The following SIL1 variants were observed in gnomAD, a reference collection of about 807,000 sequenced individuals.
SIL1 encodes SIL1 nucleotide exchange factor.
A neutral mutation model predicts 49.1 loss-of-function variants in SIL1; 40 were observed. The ratio of observed to expected loss-of-function variants is 0.81; its 90% CI spans 0.63 to 1.06. The LOEUF (loss-of-function observed/expected upper bound fraction) is 1.06. Ranked by LOEUF, SIL1 falls within the 50% of genes least tolerant of loss-of-function variation. The probability of loss-of-function intolerance (pLI) is 0.00; values close to 1 mark genes in which losing one functional copy is unlikely to be tolerated. For synonymous variants in SIL1, 253 were observed against 250.8 expected (o/e 1.01, Z -0.08); for missense variants, 500 against 572.6 (o/e 0.87, Z 1.29).
In SIL1 at chr5:139,048,843, T is replaced by C. The variant is rs376240202; in HGVS notation, c.353+2095A>G. 1.9e-4 allele frequency among the ~76,000 whole-genome samples: 29 copies of C among 152,364 alleles called. No homozygotes were observed. The South Asian group carries it at 5.6e-3, about 29-fold the overall frequency. On this transcript the variant is annotated intron_variant, in intron 4 of 9. Transcript: ENST00000394817. ...CGTGACAATGACAGCTGATTATTTCTTACATGGTTGTTAGAAAGGAGTAAT... is the reference window on the plus strand; with the variant it reads ...CGTGACAATGACAGCTGATTATTTCCTACATGGTTGTTAGAAAGGAGTAAT...
At chr5:139,159,133 T>C (rs1290438725) in intron 1 of SIL1, among the ~76,000 whole-genome samples, 1 of 151,464 alleles carries the variant, frequency 6.6e-6, no homozygotes, top group Non-Finnish European at 1.5e-5. Flanking sequence ...ATCTCCTCAT[T>C]TAGCAGCACA....
chr5:139,039,236 G>A (rs1473082165), intron 5 of SIL1, among the ~76,000 whole-genome samples: 5 of 152,196 alleles, frequency 3.3e-5, no homozygotes, highest in Non-Finnish European at 7.3e-5. Flanking sequence ...GAGCAGACGT[G>A]AGTTCAGGCC....
At chr5:139,066,504 C>A (rs1769709384) in intron 3 of SIL1, among the ~76,000 whole-genome samples, 1 of 151,504 alleles carries the variant, frequency 6.6e-6, no homozygotes, top group Non-Finnish European at 1.5e-5. Flanking sequence ...CAACTCCATG[C>A]AGTTTTATAC....
chr5:139,137,262 T>C, intron 1 of SIL1: 1 of 700,754 alleles, frequency 1.4e-6, no homozygotes, highest in South Asian at 1.5e-5. Flanking sequence ...GACAACCCTC[T>C]GAGGTGGTTC....
chr5:139,196,976 A>G (rs1752287329), intron 1 of SIL1, among the ~76,000 whole-genome samples: 1 of 152,096 alleles, frequency 6.6e-6, no homozygotes, highest in Admixed American at 6.6e-5. Flanking sequence ...TCAAAAAAAA[A>G]CCTGTTTATA....
chr5:139,164,908 T>A (rs1213927884), intron 1 of SIL1, among the ~76,000 whole-genome samples: 3 of 152,236 alleles, frequency 2.0e-5, no homozygotes, highest in Non-Finnish European at 4.4e-5. Context: ...CCAATCTGAC[T>A]CTGGCATAAC....
chr5:138,971,606 C>T (rs552974651), intron 7 of SIL1, among the ~76,000 whole-genome samples: 15 of 152,300 alleles, frequency 9.8e-5, no homozygotes, highest in East Asian at 1.9e-4. Flanking sequence ...GCACCTTTGA[C>T]GGGGGTCAAG....
intron 5 of SIL1, among the ~76,000 whole-genome samples, chr5:139,041,985 G>C (rs908529227): frequency 3.9e-5 from 6 of 152,130 alleles, no homozygotes; most frequent in Non-Finnish European, 7.3e-5. Flanking sequence ...TCCTGGTATA[G>C]ACCTGCACCT....
chr5:139,165,340 T>A (rs186864870), intron 1 of SIL1, among the ~76,000 whole-genome samples: 3 of 152,252 alleles, frequency 2.0e-5, no homozygotes, highest in Admixed American at 2.0e-4. Flanking sequence ...ACCAAACCAA[T>A]GTATTTCTTG....
intron 1 of SIL1, among the ~76,000 whole-genome samples, chr5:139,178,431 G>A (rs1169908050): frequency 2.0e-5 from 3 of 152,042 alleles, no homozygotes; most frequent in African/African-American, 7.2e-5. Flanking sequence ...AATATGAAAT[G>A]CCATGCCACA....
intron 3 of SIL1, among the ~76,000 whole-genome samples, chr5:139,111,220 A>G (rs1432169400): frequency 6.6e-6 from 1 of 152,230 alleles, no homozygotes; most frequent in East Asian, 1.9e-4. Context: ...AGCTTGGCTC[A>G]GAAAACTGAA....
At chr5:139,073,110 G>A (rs1026583160) in intron 3 of SIL1, among the ~76,000 whole-genome samples, 2 of 152,214 alleles carry the variant, frequency 1.3e-5, no homozygotes, top group Non-Finnish European at 2.9e-5. Flanking sequence ...TGATGGGAAT[G>A]TGAATTAGAA....
chr5:139,047,202 T>C (rs1769185318), intron 4 of SIL1, among the ~76,000 whole-genome samples: 1 of 152,210 alleles, frequency 6.6e-6, no homozygotes, highest in African/African-American at 2.4e-5. Context: ...AGCTGGTTAT[T>C]CCAGGGCAAA....
chr5:139,095,708 G>A (rs1048085805), intron 3 of SIL1, among the ~76,000 whole-genome samples: 12 of 152,190 alleles, frequency 7.9e-5, no homozygotes, highest in African/African-American at 2.9e-4. Flanking sequence ...CACACCTGTA[G>A]TCCCAGCTAC....
chr5:139,002,144 G>A (rs947185729), intron 7 of SIL1, among the ~76,000 whole-genome samples: 1 of 151,756 alleles, frequency 6.6e-6, no homozygotes, highest in African/African-American at 2.4e-5. Flanking sequence ...CCAGGAGGTC[G>A]GGCTGCAGTG....
At chr5:138,964,035 T>A (rs1411616177) in intron 7 of SIL1, among the ~76,000 whole-genome samples, 1 of 152,254 alleles carries the variant, frequency 6.6e-6, no homozygotes, top group Admixed American at 6.5e-5. Context: ...CAAGGCCCTT[T>A]GACCTGACTC....
Position 139,131,375 on chromosome 5 carries a change from G to A in SIL1, c.-10-3522C>T, listed in dbSNP as rs556830365. On this transcript the variant is annotated intron_variant, in intron 1 of 9. Transcript: ENST00000394817. Reference sequence around the variant, plus strand: ...GCATGATTGCAGTGGGACCCAAAGCGTGCCTGAACCCACTCTCAGAAGTCA... The same window carrying A: ...GCATGATTGCAGTGGGACCCAAAGCATGCCTGAACCCACTCTCAGAAGTCA... 1.9e-3 allele frequency among the ~76,000 whole-genome samples: 294 copies of A among 151,958 alleles called. 1 individual carries two copies. The highest frequency in any genetic ancestry group is 6.9e-3 in the African/African-American group (288 of 41,440).
At chr5:139,148,682 A>G (rs376636306) in intron 1 of SIL1, among the ~76,000 whole-genome samples, 2 of 152,240 alleles carry the variant, frequency 1.3e-5, no homozygotes, top group Non-Finnish European at 2.9e-5. Flanking sequence ...TCATTTTAAG[A>G]GCAACAAGGG....
chr5:139,036,986 T>C (rs972662175), intron 5 of SIL1, among the ~76,000 whole-genome samples: 13 of 151,858 alleles, frequency 8.6e-5, no homozygotes, highest in Admixed American at 6.6e-4. Context: ...TTCATTCTAT[T>C]TGGAGAATAT....
Sources: gnomAD v4.1 joint callset for allele counts (sites outside exome capture counted in the v4.1 genomes callset) on GRCh38, gnomAD v4.1.1 for gene constraint, MANE v1.5 for transcripts, NCBI Gene and HGNC (gene_info 2026-07-23, HGNC 2026-07-21) for gene names.